Variants in TMEM184B observed in about 807,000 individuals in gnomAD.
TMEM184B encodes the protein putative MAPK-activating protein FM08.
TMEM184B carries 17 observed loss-of-function variants against 41.8 expected under a neutral mutation model. The ratio of observed to expected loss-of-function variants is 0.41; its 90% CI spans 0.28 to 0.61. The LOEUF is 0.61. Ranked by LOEUF, TMEM184B falls within the 20% of genes least tolerant of loss-of-function variation. The probability of loss-of-function intolerance (pLI) is 0.34; values close to 1 mark genes in which losing one functional copy is unlikely to be tolerated. For missense variants in TMEM184B, 393 were observed against 557.8 expected, an observed-to-expected ratio of 0.70 and a Z score of 2.98; for synonymous variants, 240 against 229.5, an observed-to-expected ratio of 1.05 and a Z score of -0.41.
intron 3 of TMEM184B, among the ~76,000 whole-genome samples, chr22:38,234,266 T>C (rs5995554): frequency 0.58 from 87,973 of 151,990 alleles, 27,357 homozygotes; most frequent in African/African-American, 0.82. Flanking sequence ...GTCCTTGCAC[T>C]CAGTCACCAT....
chr22:38,245,331 G>T (rs1023482111), intron 3 of TMEM184B, among the ~76,000 whole-genome samples: 1 of 150,850 alleles, frequency 6.6e-6, no homozygotes, highest in Non-Finnish European at 1.5e-5. Context: ...TGCCTGAGAC[G>T]CCAGCATTGA....
chr22:38,241,892 A>AAAAAAAAAT, intron 3 of TMEM184B, among the ~76,000 whole-genome samples: 1 of 148,918 alleles, frequency 6.7e-6, no homozygotes, highest in African/African-American at 2.5e-5. Context: ...TCAAAAAAAA[A>AAAAAAAAAT]AAAAAAAAAA....
At chr22:38,240,407 C>CA (rs1648948640) in intron 3 of TMEM184B, among the ~76,000 whole-genome samples, 2 of 151,574 alleles carry the variant, frequency 1.3e-5, no homozygotes, top group East Asian at 1.9e-4. Context: ...CAATCAAAAA[C>CA]AAAAAACAAA....
In TMEM184B at chr22:38,225,062, C is replaced by T. The variant is rs2091390800; in HGVS notation, c.788-83G>A. ...CTTCCACAATGCCCCATTCAGCTGC[C>T]CACATGCCCCAGTGAGGATGTGAGC... On this transcript the variant is annotated intron_variant, in intron 7 of 8. Transcript: ENST00000361906. This position sits in a 1 kb window ranked among gnomAD's most constrained non-coding sequence, Gnocchi z 4.4. 1.4e-6 allele frequency: 2 copies of T among 1,410,420 alleles called. No individual in the cohort carries two copies. The highest frequency in any genetic ancestry group is 1.9e-6 in the Non-Finnish European group (2 of 1,059,790). The allele number at this position is 1,410,420 out of a possible 1,614,324, so 87.4% of individuals were successfully genotyped here. A position where few individuals can be genotyped will look rare whatever the true frequency, so the allele number is the denominator to read the frequency against.
chr22:38,239,238 T>C lies in TMEM184B; in HGVS notation c.358+6697A>G, dbSNP rs148707198. On this transcript the variant is annotated intron_variant, in intron 3 of 8. Transcript: ENST00000361906. This position sits in a 1 kb window ranked among gnomAD's most constrained non-coding sequence, Gnocchi z 4.6. ...CACTATGAATTCCAGCCCTCGCAGA[T>C]GGTACGTGGCACTAAGCCCTCTTCC... is the stretch of plus-strand genomic sequence containing the variant. Among the ~76,000 whole-genome samples the C allele has an allele frequency of 2.0e-3, 302 of 152,286 alleles. 4 individuals are homozygous for C. In the East Asian group the frequency reaches 0.053, roughly 27 times the overall value.
rs74430570 is a variant in TMEM184B at position 38,268,000 on chromosome 22, G to A, written c.-59+4884C>T. ...GTGAACAAATGCTACCTGGGTGTCCGCCTAATTCCAGCTGTCAGCCACCTC... is the reference window on the plus strand; with the variant it reads ...GTGAACAAATGCTACCTGGGTGTCCACCTAATTCCAGCTGTCAGCCACCTC... On this transcript the variant is annotated intron_variant, in intron 1 of 8. Coordinates refer to ENST00000361906, the MANE Select transcript of TMEM184B (RefSeq NM_012264.5). 4.3e-3 allele frequency among the ~76,000 whole-genome samples: 652 copies of A among 152,240 alleles called. 2 individuals are homozygous for A. Among genetic ancestry groups the A allele is most frequent in the African/African-American group, 0.015 (624 of 41,530 alleles).
intron 3 of TMEM184B, among the ~76,000 whole-genome samples, chr22:38,238,137 T>C (rs1250955355): frequency 6.6e-6 from 1 of 151,898 alleles, no homozygotes; most frequent in Non-Finnish European, 1.5e-5. Context: ...ATCATGCTTA[T>C]TCCTGCTTCT....
chr22:38,248,152 C>A (rs1027775768), intron 1 of TMEM184B, 133 bp from the exon 2 acceptor site: 2 of 1,260,962 alleles, frequency 1.6e-6, no homozygotes, highest in African/African-American at 1.5e-5. Context: ...TCCCAGCCAG[C>A]CTCTCCCCTG....
chr22:38,246,826 G>A, intron 2 of TMEM184B: 1 of 1,300,170 alleles, frequency 7.7e-7, no homozygotes, highest in Non-Finnish European at 1.0e-6. Context: ...AGTCCAGGCA[G>A]CCCCTGGGTG....
At chr22:38,222,983 C>T (rs2146059090) in intron 8 of TMEM184B, 1 of 152,740 alleles carries the variant, frequency 6.5e-6, no homozygotes, top group Middle Eastern at 3.4e-3. Context: ...ATCCCCACTT[C>T]TTCCCCGGCT....
chr22:38,272,674 C>A, intron 1 of TMEM184B: 1 of 985,554 alleles, frequency 1.0e-6, no homozygotes, highest in Non-Finnish European at 1.2e-6. Flanking sequence ...CACGGGCGAC[C>A]TCGCGGGGCG....
At chr22:38,267,751 G>T (rs942985692) in intron 1 of TMEM184B, among the ~76,000 whole-genome samples, 21 of 152,060 alleles carry the variant, frequency 1.4e-4, no homozygotes, top group Admixed American at 1.3e-4. Context: ...CATTTTTCAA[G>T]AATAATTATA....
chr22:38,272,657 G>A (rs1353906475), intron 1 of TMEM184B: 2 of 985,470 alleles, frequency 2.0e-6, no homozygotes, highest in Non-Finnish European at 2.4e-6. Flanking sequence ...AAGGGAGCGG[G>A]CACACCCACG....
chr22:38,228,045 C>T (rs1039342419), intron 5 of TMEM184B, among the ~76,000 whole-genome samples: 2 of 152,150 alleles, frequency 1.3e-5, no homozygotes, highest in Non-Finnish European at 2.9e-5. Context: ...AACCGTGATC[C>T]GTGAAACCTG....
rs771045985 is a variant in TMEM184B, at chr22:38,226,893, G to T, written c.526-23C>A. On this transcript the variant is annotated intron_variant, in intron 5 of 8. Coordinates refer to ENST00000361906, the MANE Select transcript of TMEM184B (RefSeq NM_012264.5). The surrounding 1 kb of genome is among the most constrained non-coding windows in gnomAD (Gnocchi z 4.6). ...GGCCTGTTGGGGGGAAAAGGAGGTT[G>T]AGTGTGGAGGAGGAGCACAGAAGGC... 1.3e-6 allele frequency: 2 copies of T among 1,562,372 alleles called. No homozygotes were observed. Among genetic ancestry groups the T allele is most frequent in the Non-Finnish European group, 8.7e-7 (1 of 1,154,276 alleles).
chr22:38,225,356 A>G lies in TMEM184B; in HGVS notation c.787+68T>C. ...TACAGGCACCAGGGACCATAAGCAG[A>G]AGGGGCAGCAGGAAGCGCAGAGGAC... On this transcript the variant is annotated intron_variant, in intron 7 of 8. Transcript: ENST00000361906. This position sits in a 1 kb window ranked among gnomAD's most constrained non-coding sequence, Gnocchi z 4.4. 6.7e-7 allele frequency: 1 copy of G among 1,488,770 alleles called. No individual in the cohort carries two copies. Among genetic ancestry groups the G allele is most frequent in the Non-Finnish European group, 8.9e-7 (1 of 1,117,730 alleles). The allele number at this position is 1,488,770 out of a possible 1,614,324, so 92.2% of individuals were successfully genotyped here. A position where few individuals can be genotyped will look rare whatever the true frequency, so the allele number is the denominator to read the frequency against.
At position 38,259,471 on chromosome 22, in the gene TMEM184B, G is replaced by A. The variant is rs1041481969; in HGVS notation, c.-58-11452C>T. 2.6e-5 allele frequency among the ~76,000 whole-genome samples: 4 copies of A among 152,222 alleles called. No individual in the cohort carries two copies. In the South Asian group the frequency reaches 8.3e-4, roughly 31 times the overall value. ...CAAGGGTCCTCGTAGGAGGAAGGCA[G>A]GAGGTAGAGAGCGAGAAGAGGGCAG... On this transcript the variant is annotated intron_variant, in intron 1 of 8. Transcript: ENST00000361906.
At chr22:38,217,430 G>A (rs1444218367), downstream of TMEM184B, among the ~76,000 whole-genome samples, 1 of 127,470 alleles carries the variant, frequency 7.8e-6, no homozygotes, top group Non-Finnish European at 1.7e-5. Flanking sequence ...CACGAGGTCA[G>A]GAGATCGAGA....
chr22:38,242,394 C>T (rs1397792784), intron 3 of TMEM184B, among the ~76,000 whole-genome samples: 2 of 151,928 alleles, frequency 1.3e-5, no homozygotes, highest in Admixed American at 6.6e-5. Context: ...AGGAGAATTG[C>T]TTGAACCCAG....
Sources: allele counts gnomAD v4.1 joint callset (sites outside exome capture counted in the v4.1 genomes callset), GRCh38; gene constraint gnomAD v4.1.1; non-coding constraint Gnocchi (gnomAD v3.1); transcripts MANE v1.5; gene names NCBI Gene and HGNC (gene_info 2026-07-23, HGNC 2026-07-21).